HK1: variants seen among roughly 807,000 people sequenced by gnomAD.
The protein encoded by HK1 is hexokinase-1.
HK1 carries 28 observed loss-of-function variants against 91.6 expected under a neutral mutation model. That is an observed-to-expected ratio of 0.31 (90% CI 0.23 to 0.42). The LOEUF (loss-of-function observed/expected upper bound fraction) is 0.42. Among genes scored for constraint, HK1 ranks in the 10% least tolerant of loss-of-function variants. The pLI is 1.00. For missense variants in HK1, 770 were observed against 1,219.8 expected, an observed-to-expected ratio of 0.63 and a Z score of 5.49; for synonymous variants, 430 against 468.1, an observed-to-expected ratio of 0.92 and a Z score of 1.05.
chr10:69,363,439 T>C (rs1589543299), intron 3 of HK1, among the ~76,000 whole-genome samples: 1 of 152,290 alleles, frequency 6.6e-6, no homozygotes, highest in South Asian at 2.1e-4. Context: ...AGTGCAGTGG[T>C]ATGATCATGG....
chr10:69,381,546 C>CTTTT lies in HK1; in HGVS notation c.1266-925_1266-922dup, dbSNP rs35306200. On this transcript the variant is annotated intron_variant, in intron 9 of 17. Coordinates refer to ENST00000359426, the MANE Select transcript of HK1 (RefSeq NM_000188.3). Reference sequence around the variant, plus strand: ...ATAACATGAAGTATATCATCTTAACCTTTTTTTTTTTTTTTTTTTGAAGGC... The same window carrying CTTTT: ...ATAACATGAAGTATATCATCTTAACCTTTTTTTTTTTTTTTTTTTTTTTGAAGGC... 2.4e-3 allele frequency among the ~76,000 whole-genome samples: 322 copies of CTTTT among 132,198 alleles called. 3 individuals are homozygous for CTTTT. Among genetic ancestry groups the CTTTT allele is most frequent in the South Asian group, 7.7e-3 (33 of 4,284 alleles). The allele number at this position is 132,198 out of a possible 152,430, so 86.7% of individuals were successfully genotyped here.
upstream of HK1, among the ~76,000 whole-genome samples, chr10:69,316,494 G>A (rs1020677195): frequency 6.6e-6 from 1 of 152,254 alleles, no homozygotes; most frequent in Non-Finnish European, 1.5e-5. Context: ...CATTTCTCAG[G>A]AAATATTGAC....
chr10:69,321,290 T>G (rs1199531660), intron 1 of HK1, among the ~76,000 whole-genome samples: 1 of 152,210 alleles, frequency 6.6e-6, no homozygotes, highest in East Asian at 1.9e-4. Flanking sequence ...GGGTACTTGC[T>G]CCAGTGACCT....
chr10:69,318,010 C>A (rs926178310), upstream of HK1: 4 of 980,392 alleles, frequency 4.1e-6, no homozygotes, highest in African/African-American at 7.0e-5. Context: ...TCCCAGTGGG[C>A]CTGGATGCCC....
chr10:69,300,046 T>C (rs1375282879), intron 4 of HK1, among the ~76,000 whole-genome samples: 2 of 151,328 alleles, frequency 1.3e-5, no homozygotes, highest in African/African-American at 4.9e-5. Flanking sequence ...GCAATCCACC[T>C]GCCTCAGCCT....
intron 16 of HK1, 35 bp downstream of exon 16, chr10:69,395,140 C>A: frequency 6.2e-7 from 1 of 1,607,592 alleles, no homozygotes; most frequent in South Asian, 1.1e-5. Flanking sequence ...CAGCGCCCAC[C>A]CTTCAGAGGT....
chr10:69,271,379 A>C (rs911146131), intron 1 of HK1, among the ~76,000 whole-genome samples: 32 of 152,192 alleles, frequency 2.1e-4, no homozygotes, highest in African/African-American at 7.2e-4. Context: ...CATTTATTAA[A>C]ATGTTAAAGT....
chr10:69,314,341 G>A (rs950680665), upstream of HK1, among the ~76,000 whole-genome samples: 2 of 152,224 alleles, frequency 1.3e-5, no homozygotes, highest in African/African-American at 4.8e-5. Flanking sequence ...TCTGGGTGGG[G>A]CTTGGACATC....
upstream of HK1, chr10:69,318,236 G>T (rs1361692911): frequency 1.0e-6 from 1 of 985,254 alleles, no homozygotes; most frequent in Non-Finnish European, 1.2e-6. Context: ...GAAGACCCAG[G>T]TAGGCCGGTG....
In HK1 at chr10:69,340,859, A is replaced by T. The variant is rs529977455; in HGVS notation, c.64-2968A>T. 4.1e-4 allele frequency among the ~76,000 whole-genome samples: 62 copies of T among 152,144 alleles called. 2 individuals carry two copies. In the South Asian group the frequency reaches 0.012, roughly 31 times the overall value. On this transcript the variant is annotated intron_variant, in intron 1 of 17. Transcript: ENST00000359426. ...TGGCTCATCAGGCCCTGTGTGGTTG[A>T]GCTCTGGACAGTCTTTCCAGGCACA...
chr10:69,281,743 CA>C (rs1371149896), intron 1 of HK1, among the ~76,000 whole-genome samples: 9 of 152,212 alleles, frequency 5.9e-5, no homozygotes, highest in Non-Finnish European at 1.2e-4. Flanking sequence ...GGTGGTGAGT[CA>C]CCCTTAGGAT....
intron 1 of HK1, among the ~76,000 whole-genome samples, 180 bp from the exon 2 acceptor site, chr10:69,343,647 G>C (rs114818832): frequency 1.7e-3 from 265 of 152,332 alleles, no homozygotes; most frequent in African/African-American, 6.1e-3. Flanking sequence ...AGGGCTCAGA[G>C]CATTTGCAAG....
chr10:69,300,991 T>A, intron 5 of HK1: 1 of 571,592 alleles, frequency 1.7e-6, no homozygotes, highest in Non-Finnish European at 3.3e-6. Flanking sequence ...ACGCCTGTAA[T>A]CCCAGCACTT....
chr10:69,379,250 AAC>A (rs1424442298), intron 8 of HK1, among the ~76,000 whole-genome samples: 3 of 152,350 alleles, frequency 2.0e-5, no homozygotes, highest in African/African-American at 4.8e-5. Flanking sequence ...CATATTTTAA[AAC>A]ACATTTTTAA....
intron 1 of HK1, chr10:69,338,341 ATGTCTGG>A: frequency 8.4e-7 from 1 of 1,186,392 alleles, no homozygotes; most frequent in Non-Finnish European, 1.1e-6. Flanking sequence ...TCGGTGTCTG[ATGTCTGG>A]TGTCTGGGAC....
chr10:69,308,424 A>C (rs756020235), intron 5 of HK1, among the ~76,000 whole-genome samples: 1 of 151,998 alleles, frequency 6.6e-6, no homozygotes, highest in African/African-American at 2.4e-5. Context: ...AGGGCTCACA[A>C]CTCTAAGAGG....
chr10:69,271,449 A>G (rs1284786348), intron 1 of HK1, among the ~76,000 whole-genome samples: 2 of 151,462 alleles, frequency 1.3e-5, no homozygotes, highest in Non-Finnish European at 2.9e-5. Context: ...ATCCAGCAGG[A>G]ACCTAATAAC....
rs1839557546 is a variant in HK1, at chr10:69,384,840, C to T, written c.1764C>T (p.Tyr588=). 2 of 1,614,044 alleles carry T rather than the reference C, an allele frequency of 1.2e-6. No homozygotes were observed. The highest frequency in any genetic ancestry group is 1.7e-6 in the Non-Finnish European group (2 of 1,179,996). Residue 588 remains tyrosine, a synonymous_variant, in exon 12 of 18, where the codon TAC becomes TAT. Transcript: ENST00000359426. ...IVSCISDFLD[Y]MGIKGPRMPL... is the part of the protein sequence containing the mutation. ...CCTGCATCTCTGACTTCTTGGACTA[C>T]ATGGGGATCAAAGGCCCCAGGATGC...
chr10:69,303,802 C>T (rs140279408), intron 5 of HK1, among the ~76,000 whole-genome samples: 347 of 152,238 alleles, frequency 2.3e-3, no homozygotes, highest in African/African-American at 8.0e-3. Context: ...GTCACCTTTG[C>T]GGGAGACTGG....
Sources: allele counts gnomAD v4.1 joint callset (sites outside exome capture counted in the v4.1 genomes callset), GRCh38; gene constraint gnomAD v4.1.1; transcripts MANE v1.5; gene names NCBI Gene and HGNC (gene_info 2026-07-23, HGNC 2026-07-21).